CSMD1: variants seen among roughly 807,000 people sequenced by gnomAD.
The protein encoded by CSMD1 is CUB and sushi domain-containing protein 1.
Under a neutral mutation model 417.5 loss-of-function variants are expected in CSMD1, and 213 were observed. The observed-to-expected ratio is 0.51, with a 90% CI of 0.46 to 0.57. CSMD1 has a LOEUF of 0.57. CSMD1 is among the 20% of genes least tolerant of loss of function. The pLI is 0.00. For missense variants in CSMD1, 6,923 were observed against 4,529.7 expected, an observed-to-expected ratio of 1.53 and a Z score of -15.17; for synonymous variants, 2,862 against 1,736.8, an observed-to-expected ratio of 1.65 and a Z score of -16.11.
chr8:4,656,438 C>T (rs116714169), intron 1 of CSMD1, among the ~76,000 whole-genome samples: 11 of 152,128 alleles, frequency 7.2e-5, no homozygotes, highest in African/African-American at 2.7e-4. Context: ...ATATTATCCA[C>T]GTAAAGCTTA....
chr8:3,313,718 C>T (rs1161618829), intron 23 of CSMD1, among the ~76,000 whole-genome samples: 3 of 152,146 alleles, frequency 2.0e-5, no homozygotes, highest in Non-Finnish European at 4.4e-5. Context: ...GTGGCCATTC[C>T]TCAGGGATCT....
At chr8:4,384,018 C>T (rs750275821) in intron 3 of CSMD1, among the ~76,000 whole-genome samples, 1 of 150,736 alleles carries the variant, frequency 6.6e-6, no homozygotes. Flanking sequence ...AGGGACCACC[C>T]CCCGCCTCAT....
intron 2 of CSMD1, among the ~76,000 whole-genome samples, chr8:4,555,605 A>G (rs992052390): frequency 1.3e-5 from 2 of 152,188 alleles, no homozygotes; most frequent in East Asian, 1.9e-4. Context: ...TCAGCAGCTT[A>G]TATCTCTATG....
chr8:4,428,879 T>C (rs1471377760), intron 2 of CSMD1, among the ~76,000 whole-genome samples: 1 of 152,012 alleles, frequency 6.6e-6, no homozygotes, highest in South Asian at 2.1e-4. Flanking sequence ...CACGTCCAGC[T>C]AATTTTTGCA....
intron 1 of CSMD1, among the ~76,000 whole-genome samples, chr8:4,740,688 G>C (rs1026951308): frequency 1.3e-5 from 2 of 152,206 alleles, no homozygotes; most frequent in Admixed American, 6.5e-5. Flanking sequence ...TCTACTCAAG[G>C]AGGGTGAGGT....
chr8:4,111,429 C>T (rs764120189), intron 3 of CSMD1, among the ~76,000 whole-genome samples: 3 of 152,018 alleles, frequency 2.0e-5, no homozygotes, highest in East Asian at 1.9e-4. Context: ...ATTTATATTC[C>T]TTAGGATATA....
At chr8:4,818,374 G>A (rs192955636) in intron 1 of CSMD1, among the ~76,000 whole-genome samples, 19 of 152,216 alleles carry the variant, frequency 1.2e-4, no homozygotes, top group East Asian at 5.8e-4. Context: ...TTCAATAAGT[G>A]CCATGGAAAG....
chr8:4,535,026 G>A (rs986807262), intron 2 of CSMD1, among the ~76,000 whole-genome samples: 1 of 152,166 alleles, frequency 6.6e-6, no homozygotes, highest in Non-Finnish European at 1.5e-5. Context: ...CTCCCAAAGT[G>A]CTGGGATTAC....
intron 3 of CSMD1, among the ~76,000 whole-genome samples, chr8:4,038,473 A>T (rs1335718175): frequency 6.6e-6 from 1 of 152,190 alleles, no homozygotes; most frequent in Non-Finnish European, 1.5e-5. Flanking sequence ...GTTCGAGAAA[A>T]ACTAATTTGA....
intron 26 of CSMD1, among the ~76,000 whole-genome samples, chr8:3,270,406 C>T (rs1161955236): frequency 6.6e-6 from 1 of 151,618 alleles, no homozygotes; most frequent in African/African-American, 2.4e-5. Flanking sequence ...TATTTTAAAG[C>T]AGTGAAAAAA....
At chr8:4,207,395 T>G (rs1192557073) in intron 3 of CSMD1, among the ~76,000 whole-genome samples, 1 of 152,166 alleles carries the variant, frequency 6.6e-6, no homozygotes, top group South Asian at 2.1e-4. Context: ...CATGGAAGAT[T>G]TTAATAAGCA....
chr8:3,996,444 AT>A (rs34769872), intron 5 of CSMD1, among the ~76,000 whole-genome samples: 27 of 150,764 alleles, frequency 1.8e-4, no homozygotes, highest in African/African-American at 4.9e-4. Flanking sequence ...CATTTTTAAG[AT>A]TTTTTTTTTA....
intron 3 of CSMD1, among the ~76,000 whole-genome samples, chr8:4,308,405 G>C (rs12549529): frequency 2.6e-5 from 4 of 151,852 alleles, no homozygotes; most frequent in African/African-American, 4.8e-5. Context: ...TCGTGCATGT[G>C]TGTGTGTGTT....
intron 5 of CSMD1, among the ~76,000 whole-genome samples, chr8:3,854,124 TTA>T (rs1186189592): frequency 2.3e-4 from 33 of 143,714 alleles, no homozygotes; most frequent in African/African-American, 8.5e-4. Flanking sequence ...TATATTATAC[TTA>T]TATATATAAA....
At chr8:4,774,141 A>C (rs1201247148) in intron 1 of CSMD1, among the ~76,000 whole-genome samples, 1 of 152,220 alleles carries the variant, frequency 6.6e-6, no homozygotes, top group Non-Finnish European at 1.5e-5. Context: ...TGGAGGTGGC[A>C]GTGAGCCAAT....
At chr8:4,444,330 G>C (rs13249909) in intron 2 of CSMD1, among the ~76,000 whole-genome samples, 7 of 107,760 alleles carry the variant, frequency 6.5e-5, no homozygotes, top group East Asian at 5.9e-4. Flanking sequence ...CTGGGCTACA[G>C]AGTGAGACTC....
At chr8:3,464,602 A>G (rs140944891) in intron 12 of CSMD1, among the ~76,000 whole-genome samples, 5,075 of 149,708 alleles carry the variant, frequency 0.034, 154 homozygotes, top group East Asian at 0.15. Context: ...ATGATTTTTA[A>G]GTATATAAAT....
At chr8:3,666,205 G>C (rs952119888) in intron 7 of CSMD1, among the ~76,000 whole-genome samples, 2 of 152,070 alleles carry the variant, frequency 1.3e-5, no homozygotes, top group African/African-American at 4.8e-5. Context: ...TTGATGCTTT[G>C]TTTTTCTCAT....
intron 26 of CSMD1, among the ~76,000 whole-genome samples, chr8:3,240,095 C>G (rs1799400771): frequency 6.6e-6 from 1 of 152,108 alleles, no homozygotes; most frequent in South Asian, 2.1e-4. Context: ...GCGGCTGCCA[C>G]AAGAAGACTT....
Sources: gnomAD v4.1 joint callset for allele counts (sites outside exome capture counted in the v4.1 genomes callset) on GRCh38, gnomAD v4.1.1 for gene constraint, MANE v1.5 for transcripts, NCBI Gene and HGNC (gene_info 2026-07-23, HGNC 2026-07-21) for gene names.